Variants in ATG13 observed in about 807,000 individuals in gnomAD.
ATG13 encodes the protein autophagy related 13, also known as autophagy-related protein 13.
Under a neutral mutation model 65.5 loss-of-function variants are expected in ATG13, and 23 were observed. That is an observed-to-expected ratio of 0.35 (90% CI 0.25 to 0.50). The LOEUF (loss-of-function observed/expected upper bound fraction) is 0.50. Among genes scored for constraint, ATG13 ranks in the 20% least tolerant of loss-of-function variants. The pLI is 0.98. For synonymous variants in ATG13, 252 were observed against 245.2 expected, an observed-to-expected ratio of 1.03 and a Z score of -0.26; for missense variants, 566 against 677.0, an observed-to-expected ratio of 0.84 and a Z score of 1.82.
chr11:46,664,823 C>G, intron 12 of ATG13, 26 bp from the exon 13 acceptor site: 1 of 1,594,896 alleles, frequency 6.3e-7, no homozygotes, highest in Non-Finnish European at 8.6e-7. Flanking sequence ...CTTTCCTTTT[C>G]TCCTCTTTGT....
At chr11:46,629,743 T>C (rs2135881824) in intron 1 of ATG13, among the ~76,000 whole-genome samples, 1 of 152,300 alleles carries the variant, frequency 6.6e-6, no homozygotes, top group Non-Finnish European at 1.5e-5. Flanking sequence ...AAACATATTT[T>C]AATTATTTTT....
intron 2 of ATG13, 98 bp downstream of exon 2, chr11:46,630,198 GAGA>G: frequency 6.6e-6 from 1 of 152,234 alleles, no homozygotes; most frequent in Non-Finnish European, 1.5e-5. Context: ...GGGAAAAGCT[GAGA>G]AGGAGAGATT....
At chr11:46,640,309 T>G (rs1339771472) in intron 2 of ATG13, among the ~76,000 whole-genome samples, 1 of 152,234 alleles carries the variant, frequency 6.6e-6, no homozygotes, top group Non-Finnish European at 1.5e-5. Context: ...TAAGAATGGC[T>G]TCATAGCCAC....
intron 7 of ATG13, among the ~76,000 whole-genome samples, chr11:46,653,416 C>T (rs556650965): frequency 2.0e-5 from 3 of 151,982 alleles, no homozygotes; most frequent in East Asian, 1.9e-4. Flanking sequence ...TCAATTGATC[C>T]GCCCACCTCG....
chr11:46,633,382 C>G (rs2052679089), intron 2 of ATG13, among the ~76,000 whole-genome samples: 1 of 151,360 alleles, frequency 6.6e-6, no homozygotes, highest in South Asian at 2.1e-4. Context: ...GAGTTTTGCT[C>G]TTGTTGCCTA....
intron 1 of ATG13, among the ~76,000 whole-genome samples, chr11:46,628,906 A>G (rs1591521952): frequency 6.9e-6 from 1 of 144,934 alleles, no homozygotes. Context: ...TTCTACCTCC[A>G]CTCCCAGCCC....
intron 11 of ATG13, among the ~76,000 whole-genome samples, chr11:46,662,933 C>T (rs1253891655): frequency 2.0e-5 from 3 of 152,106 alleles, no homozygotes; most frequent in African/African-American, 7.2e-5. Flanking sequence ...AAGGTCCTGC[C>T]TCTAGTTCTA....
intron 11 of ATG13, 196 bp downstream of exon 11, chr11:46,659,681 A>G: frequency 2.0e-6 from 1 of 508,924 alleles, no homozygotes; most frequent in Non-Finnish European, 3.5e-6. Context: ...ATAACCTTCA[A>G]GATTACATTT....
intron 1 of ATG13, among the ~76,000 whole-genome samples, chr11:46,626,354 G>T (rs1261620193): frequency 6.6e-6 from 1 of 151,750 alleles, no homozygotes; most frequent in Non-Finnish European, 1.5e-5. Context: ...GGGTTCAGAT[G>T]ATTCTCCTGC....
rs145878316 is a variant in ATG13, at chr11:46,668,504, C to G, written c.1257C>G (p.Thr419=). 1.2e-6 allele frequency: 2 copies of G among 1,613,964 alleles called. No homozygotes were observed. Among genetic ancestry groups the G allele is most frequent in the Non-Finnish European group, 1.7e-6 (2 of 1,179,974 alleles). The change falls in exon 16 of 19, where the codon ACC becomes ACG. Residue 419 remains threonine (T), a synonymous_variant. Transcript: ENST00000683050. ...AFVNKPINQV[T]LTSLDIPFAM... is the part of the protein sequence containing the mutation. ...TTTCTCCTGTGTCTCTTCAGGTGAC[C>G]CTGACGAGTTTGGATATACCCTTTG... is the stretch of plus-strand genomic sequence containing the variant.
chr11:46,631,763 C>T (rs1348653587), intron 2 of ATG13, among the ~76,000 whole-genome samples: 2 of 152,108 alleles, frequency 1.3e-5, no homozygotes, highest in East Asian at 3.9e-4. Context: ...CCTGTGGTCT[C>T]AGCTACTTGA....
intron 1 of ATG13, among the ~76,000 whole-genome samples, chr11:46,628,082 CAAAAA>C (rs561371295): frequency 3.8e-5 from 2 of 52,376 alleles, no homozygotes; most frequent in Non-Finnish European, 4.3e-5. Flanking sequence ...GACCTTGTCT[CAAAAA>C]AAAAAAAAAA....
intron 2 of ATG13, among the ~76,000 whole-genome samples, chr11:46,635,986 C>G (rs188138934): frequency 5.9e-5 from 9 of 152,200 alleles, no homozygotes; most frequent in Non-Finnish European, 1.2e-4. Context: ...TGCTCTGTCA[C>G]CCAAGCTGGA....
At chr11:46,636,855 G>A (rs1478893659) in intron 2 of ATG13, among the ~76,000 whole-genome samples, 1 of 151,948 alleles carries the variant, frequency 6.6e-6, no homozygotes, top group Non-Finnish European at 1.5e-5. Context: ...AGCCTCCCGA[G>A]TAGCGGGGAC....
chr11:46,669,502 T>C lies in ATG13; in HGVS notation c.1545T>C (p.Asp515=), dbSNP rs185909068. Residue 515 remains aspartate (D), a synonymous_variant, in exon 18 of 19, where the codon GAT becomes GAC. Coordinates refer to ENST00000683050, the MANE Select transcript of ATG13 (RefSeq NM_001346311.2). Reference sequence around the variant, plus strand: ...CTCAGCTGAGCAGCCTCTCCATAGATATTGGAGCACAGTCCATGGCTGAAG... The same window carrying C: ...CTCAGCTGAGCAGCCTCTCCATAGACATTGGAGCACAGTCCATGGCTGAAG... ...NPPQLSSLSI[D]IGAQSMAEDL... is the part of the protein sequence containing the mutation. 44 of 1,614,134 alleles carry C rather than the reference T, an allele frequency of 2.7e-5. No homozygotes were observed. In the East Asian group the frequency reaches 6.0e-4, roughly 22 times the overall value.
chr11:46,655,125 C>T (rs138034799), intron 7 of ATG13, among the ~76,000 whole-genome samples: 5,663 of 151,046 alleles, frequency 0.037, 369 homozygotes, highest in African/African-American at 0.13. Flanking sequence ...CAGGTCCGGG[C>T]GCAGTGGCTC....
In ATG13 at chr11:46,672,597, G is replaced by A; in HGVS notation, c.*265G>A. The A allele has an allele frequency of 7.0e-7, 1 of 1,423,756 alleles. No homozygotes were observed. The highest frequency in any genetic ancestry group is 9.3e-7 in the Non-Finnish European group (1 of 1,075,796). The allele number at this position is 1,423,756 out of a possible 1,614,324, so 88.2% of individuals were successfully genotyped here. A position where few individuals can be genotyped will look rare whatever the true frequency, so the allele number is the denominator to read the frequency against. On this transcript the variant is annotated 3_prime_UTR_variant, in exon 19 of 19. Transcript: ENST00000683050. ...TTCGTACGAAAAAGCCCTCAGCAGG[G>A]CCATCTGTGTGCCCTGCCCATCACC...
At chr11:46,665,651 C>T in intron 14 of ATG13, 132 bp downstream of exon 14, 1 of 1,256,156 alleles carries the variant, frequency 8.0e-7, no homozygotes, top group South Asian at 1.5e-5. Flanking sequence ...GAGCCCAAAG[C>T]ATGGACTCCT....
intron 14 of ATG13, among the ~76,000 whole-genome samples, chr11:46,667,151 T>C (rs1439433200): frequency 6.6e-6 from 1 of 152,200 alleles, no homozygotes; most frequent in Non-Finnish European, 1.5e-5. Context: ...GTACAGGTCC[T>C]CCCTGCTGGC....
Sources: allele counts gnomAD v4.1 joint callset (sites outside exome capture counted in the v4.1 genomes callset), GRCh38; gene constraint gnomAD v4.1.1; transcripts MANE v1.5; gene names NCBI Gene and HGNC (gene_info 2026-07-23, HGNC 2026-07-21).